Variants in PRKD3 observed in about 807,000 individuals in gnomAD.
PRKD3 encodes the protein serine/threonine-protein kinase D3.
A neutral mutation model predicts 99.2 loss-of-function variants in PRKD3; 47 were observed. The ratio of observed to expected loss-of-function variants is 0.47; its 90% CI spans 0.38 to 0.60. The LOEUF (loss-of-function observed/expected upper bound fraction) is 0.60. Ranked by LOEUF, PRKD3 falls within the 20% of genes least tolerant of loss-of-function variation. The pLI, the probability that PRKD3 is intolerant of heterozygous loss-of-function variation, is 0.00. For synonymous variants in PRKD3, 392 were observed against 355.4 expected (o/e 1.10, Z -1.16); for missense variants, 1,019 against 1,088.4 (o/e 0.94, Z 0.90).
chr2:37,293,905 C>T (rs1323827501), intron 2 of PRKD3, among the ~76,000 whole-genome samples: 3 of 152,158 alleles, frequency 2.0e-5, no homozygotes, highest in Non-Finnish European at 4.4e-5. Context: ...GAACAATTTG[C>T]TCACGTAAGT....
intron 7 of PRKD3, among the ~76,000 whole-genome samples, chr2:37,280,521 C>T (rs891479921): frequency 2.6e-5 from 4 of 151,996 alleles, no homozygotes; most frequent in East Asian, 1.9e-4. Flanking sequence ...GAAAATTCAA[C>T]GGGCAAAAAA....
rs539277794 is a variant in PRKD3 at position 37,318,141 on chromosome 2, T to G, written c.-655-962A>C. 1.3e-3 allele frequency among the ~76,000 whole-genome samples: 203 copies of G among 152,158 alleles called. 2 individuals are homozygous for G. The highest frequency in any genetic ancestry group is 4.7e-3 in the African/African-American group (196 of 41,514). ...TGCAGAGTAACTCTCTGCAGAGTAG[T>G]TAATGGGTTAAATTAGGAAGAACGT... On this transcript the variant is annotated intron_variant, in intron 1 of 18. Coordinates refer to ENST00000234179, the MANE Select transcript of PRKD3 (RefSeq NM_005813.6).
At chr2:37,319,207 G>T (rs1015612405) in intron 1 of PRKD3, among the ~76,000 whole-genome samples, 5 of 152,148 alleles carry the variant, frequency 3.3e-5, no homozygotes, top group African/African-American at 1.2e-4. Context: ...AAAAAAGATA[G>T]TTTATTCTGA....
chr2:37,260,411 G>C, intron 14 of PRKD3, 27 bp from the exon 15 acceptor site: 1 of 1,577,692 alleles, frequency 6.3e-7, no homozygotes, highest in South Asian at 1.1e-5. Flanking sequence ...AGATACATGA[G>C]CAACTTAAGC....
At position 37,252,669 on chromosome 2, in the gene PRKD3, A is replaced by T. The variant is rs1274619114; in HGVS notation, c.*508T>A. On this transcript the variant is annotated 3_prime_UTR_variant, in exon 19 of 19. Coordinates refer to ENST00000234179, the MANE Select transcript of PRKD3 (RefSeq NM_005813.6). ...CAATGCCTCTATGGTTTGTTAAACCAATGTTAAAAGTCCTTATAGTAACAT... is the reference window on the plus strand; with the variant it reads ...CAATGCCTCTATGGTTTGTTAAACCTATGTTAAAAGTCCTTATAGTAACAT... 1 of 152,092 alleles carries T rather than the reference A, an allele frequency of 6.6e-6. No individual in the cohort carries two copies. The highest frequency in any genetic ancestry group is 1.5e-5 in the Non-Finnish European group (1 of 68,022). The allele number at this position is 152,092 out of a possible 1,614,324, so 9.4% of individuals were successfully genotyped here.
rs367605772 is a variant in PRKD3, at chr2:37,281,769, C to A, written c.988+773G>T. Reference sequence around the variant, plus strand: ...GAGAAAATGTTAATTAAACTCTCCCCAAGAGAATTTTCATTCCTTTTATGC... The same window carrying A: ...GAGAAAATGTTAATTAAACTCTCCCAAAGAGAATTTTCATTCCTTTTATGC... On this transcript the variant is annotated intron_variant, in intron 7 of 18. Coordinates refer to ENST00000234179, the MANE Select transcript of PRKD3 (RefSeq NM_005813.6). Among the ~76,000 whole-genome samples the A allele has an allele frequency of 1.4e-4, 21 of 152,282 alleles. No individual in the cohort carries two copies. In the East Asian group the frequency reaches 3.7e-3, roughly 27 times the overall value.
intron 15 of PRKD3, among the ~76,000 whole-genome samples, 196 bp downstream of exon 15, chr2:37,260,027 T>C (rs1450991567): frequency 6.6e-6 from 1 of 151,992 alleles, no homozygotes; most frequent in Non-Finnish European, 1.5e-5. Context: ...TAGCCAGGCG[T>C]GGTGGCACAC....
intron 3 of PRKD3, 28 bp downstream of exon 3, chr2:37,293,105 C>T: frequency 6.6e-7 from 1 of 1,525,082 alleles, no homozygotes; most frequent in Non-Finnish European, 8.9e-7. Flanking sequence ...GGGGAAAAGG[C>T]AATCACTCTA....
Position 37,316,566 on chromosome 2 carries a change from T to C in PRKD3, c.-42A>G, listed in dbSNP as rs1194822312. The C allele has an allele frequency of 6.3e-7, 1 of 1,581,848 alleles. No individual in the cohort carries two copies. The highest frequency in any genetic ancestry group is 8.6e-7 in the Non-Finnish European group (1 of 1,165,632). On this transcript the variant is annotated 5_prime_UTR_variant, in exon 2 of 19. Coordinates refer to ENST00000234179, the MANE Select transcript of PRKD3 (RefSeq NM_005813.6). ...TTTTAAAATAGTTGTCGATTCTTTT[T>C]CAATGGTTATGAAGAGGTTTTTAAA...
chr2:37,300,354 G>C (rs183745335), intron 2 of PRKD3, among the ~76,000 whole-genome samples: 1 of 152,260 alleles, frequency 6.6e-6, no homozygotes, highest in African/African-American at 2.4e-5. Flanking sequence ...AGAGTAGAAT[G>C]ATGACTACCA....
intron 1 of PRKD3, among the ~76,000 whole-genome samples, chr2:37,318,564 G>A (rs1295488730): frequency 6.6e-6 from 1 of 152,188 alleles, no homozygotes. Flanking sequence ...CTCAGAGGAT[G>A]TTGCTAAGGT....
In PRKD3 at chr2:37,254,295, G is replaced by T; in HGVS notation, c.2414-6C>A. On this transcript the variant is annotated splice_region_variant and splice_polypyrimidine_tract_variant and intron_variant, in intron 17 of 18. Coordinates refer to ENST00000234179, the MANE Select transcript of PRKD3 (RefSeq NM_005813.6). ...ATTGTTTATCAGATCAATTGCTAAGGGAAAAGACAAAACAAGATACATGAA... is the reference window on the plus strand; with the variant it reads ...ATTGTTTATCAGATCAATTGCTAAGTGAAAAGACAAAACAAGATACATGAA... The T allele has an allele frequency of 6.2e-7, 1 of 1,609,268 alleles. No homozygotes were observed. Among genetic ancestry groups the T allele is most frequent in the Admixed American group, 1.7e-5 (1 of 59,980 alleles).
intron 7 of PRKD3, among the ~76,000 whole-genome samples, chr2:37,280,246 T>C (rs1039725110): frequency 1.3e-5 from 2 of 152,000 alleles, no homozygotes; most frequent in Non-Finnish European, 2.9e-5. Context: ...GGTTTCGCCA[T>C]GTTGGCCAGG....
chr2:37,320,194 T>G (rs1671820626), intron 1 of PRKD3, among the ~76,000 whole-genome samples: 1 of 152,182 alleles, frequency 6.6e-6, no homozygotes, highest in Non-Finnish European at 1.5e-5. Context: ...TGTTTGCCTG[T>G]GACTATAGCT....
rs1399480930 is a variant in PRKD3, at chr2:37,252,609, A to G, written c.*568T>C. ...CTAAAAAAGAAAGGTAAAACAGCCC[A>G]GTGCGCTTTTTCTAGGCATCTAAGA... is the stretch of plus-strand genomic sequence containing the variant. On this transcript the variant is annotated 3_prime_UTR_variant, in exon 19 of 19. Transcript: ENST00000234179. The G allele has an allele frequency of 6.6e-6, 1 of 152,150 alleles. No homozygotes were observed. The highest frequency in any genetic ancestry group is 1.5e-5 in the Non-Finnish European group (1 of 68,008). The allele number at this position is 152,150 out of a possible 1,614,324, so 9.4% of individuals were successfully genotyped here. A position where few individuals can be genotyped will look rare whatever the true frequency, so the allele number is the denominator to read the frequency against.
At chr2:37,271,067 T>A (rs146529010) in intron 12 of PRKD3, among the ~76,000 whole-genome samples, 188 of 152,236 alleles carry the variant, frequency 1.2e-3, no homozygotes, top group African/African-American at 4.4e-3. Context: ...CTATCTCCAA[T>A]AACACTACTA....
At chr2:37,273,077 G>C (rs1050546455) in intron 11 of PRKD3, among the ~76,000 whole-genome samples, 2 of 152,136 alleles carry the variant, frequency 1.3e-5, no homozygotes, top group African/African-American at 4.8e-5. Context: ...GTGAGTGGAA[G>C]AGGTGGGGTT....
chr2:37,253,405 C>G (rs1243739396), intron 18 of PRKD3, 55 bp from the exon 19 acceptor site: 6 of 1,483,564 alleles, frequency 4.0e-6, no homozygotes, highest in Non-Finnish European at 4.6e-6. Flanking sequence ...TACTGTCAAC[C>G]TGGTTTTTGT....
At chr2:37,316,212 C>T in intron 2 of PRKD3, 25 bp downstream of exon 2, 3 of 1,557,524 alleles carry the variant, frequency 1.9e-6, no homozygotes. Flanking sequence ...ATATTATTTA[C>T]TACTGATAAT....
Sources: allele counts gnomAD v4.1 joint callset (sites outside exome capture counted in the v4.1 genomes callset), GRCh38; gene constraint gnomAD v4.1.1; transcripts MANE v1.5; gene names NCBI Gene and HGNC (gene_info 2026-07-23, HGNC 2026-07-21).